GPBP1L1: variants seen among roughly 807,000 people sequenced by gnomAD.
The protein encoded by GPBP1L1 is GC-rich promoter binding protein 1 like 1.
GPBP1L1 carries 23 observed loss-of-function variants against 52.5 expected under a neutral mutation model. That is an observed-to-expected ratio of 0.44 (90% CI 0.32 to 0.62). The LOEUF is 0.62. Among genes scored for constraint, GPBP1L1 ranks in the 20% least tolerant of loss-of-function variants. GPBP1L1 has a pLI of 0.06. For synonymous variants in GPBP1L1, 243 were observed against 203.1 expected (o/e 1.20, Z -1.67); for missense variants, 596 against 579.3 (o/e 1.03, Z -0.30).
intron 2 of GPBP1L1, among the ~76,000 whole-genome samples, chr1:45,672,630 C>A (rs1645087626): frequency 1.3e-5 from 2 of 152,214 alleles, no homozygotes; most frequent in Admixed American, 1.3e-4. Flanking sequence ...GAAATACAGA[C>A]TGTAGACCAA....
chr1:45,633,958 A>G, intron 9 of GPBP1L1, 138 bp downstream of exon 9: 1 of 1,033,508 alleles, frequency 9.7e-7, no homozygotes, highest in Non-Finnish European at 1.4e-6. Flanking sequence ...ATGCTAACAG[A>G]AAACATCAAT....
chr1:45,653,749 A>G (rs1158172586), intron 6 of GPBP1L1, among the ~76,000 whole-genome samples: 5 of 140,934 alleles, frequency 3.5e-5, no homozygotes, highest in African/African-American at 1.3e-4. Context: ...CCCAGACTGG[A>G]GTGTAATGGC....
intron 2 of GPBP1L1, among the ~76,000 whole-genome samples, chr1:45,679,115 C>T (rs7544856): frequency 0.04 from 6,158 of 152,176 alleles, 419 homozygotes; most frequent in African/African-American, 0.14. Context: ...ATGTCCAGGC[C>T]TTACCCCAGA....
intron 6 of GPBP1L1, among the ~76,000 whole-genome samples, chr1:45,642,967 A>C (rs993654562): frequency 6.6e-6 from 1 of 152,194 alleles, no homozygotes; most frequent in Non-Finnish European, 1.5e-5. Flanking sequence ...AAATACAATA[A>C]AGAGCCCCTG....
intron 3 of GPBP1L1, among the ~76,000 whole-genome samples, chr1:45,659,570 T>A (rs188244275): frequency 6.6e-6 from 1 of 152,146 alleles, no homozygotes; most frequent in African/African-American, 2.4e-5. Context: ...GAATTAAACA[T>A]CTATTTAAAA....
At chr1:45,648,711 G>C (rs1413323320) in intron 6 of GPBP1L1, among the ~76,000 whole-genome samples, 1 of 152,128 alleles carries the variant, frequency 6.6e-6, no homozygotes, top group Non-Finnish European at 1.5e-5. Flanking sequence ...TACTTGCTTT[G>C]TCTTATTTTT....
intron 6 of GPBP1L1, among the ~76,000 whole-genome samples, chr1:45,643,658 C>CTTTTTTTTTTTTTTT (rs113388167): frequency 3.1e-5 from 2 of 65,110 alleles, no homozygotes; most frequent in African/African-American, 1.3e-4. Flanking sequence ...AGGAGAATGG[C>CTTTTTTTTTTTTTTT]TTTTTTTTTT....
At chr1:45,661,962 T>C (rs562739448) in intron 2 of GPBP1L1, among the ~76,000 whole-genome samples, 51 of 152,320 alleles carry the variant, frequency 3.3e-4, no homozygotes, top group African/African-American at 1.1e-3. Context: ...TGTTTAGTAC[T>C]AGCCACAGCT....
intron 2 of GPBP1L1, among the ~76,000 whole-genome samples, chr1:45,675,200 G>A (rs1381681158): frequency 6.6e-6 from 1 of 152,060 alleles, no homozygotes. Context: ...GGGAGGCTGA[G>A]GCAGGAGAAT....
At chr1:45,649,342 T>A (rs1411647441) in intron 6 of GPBP1L1, among the ~76,000 whole-genome samples, 1 of 152,232 alleles carries the variant, frequency 6.6e-6, no homozygotes, top group African/African-American at 2.4e-5. Context: ...GTCCCACTGA[T>A]GTTTTAGCAA....
intron 2 of GPBP1L1, among the ~76,000 whole-genome samples, chr1:45,663,636 A>C (rs1644974148): frequency 6.6e-6 from 1 of 152,246 alleles, no homozygotes; most frequent in African/African-American, 2.4e-5. Flanking sequence ...GGGACACTTA[A>C]TCAAACAGAA....
chr1:45,677,798 G>C (rs1399645980), intron 2 of GPBP1L1, among the ~76,000 whole-genome samples: 1 of 152,140 alleles, frequency 6.6e-6, no homozygotes, highest in Non-Finnish European at 1.5e-5. Context: ...ATCAAATCAT[G>C]AGACTATTTT....
At chr1:45,656,463 C>G (rs1327292641) in intron 4 of GPBP1L1, among the ~76,000 whole-genome samples, 3 of 152,096 alleles carry the variant, frequency 2.0e-5, no homozygotes, top group Non-Finnish European at 1.5e-5. Context: ...CTCCTGTTTT[C>G]TCTTAAAAGT....
chr1:45,651,348 T>C (rs1644817279), intron 6 of GPBP1L1: 6 of 378,590 alleles, frequency 1.6e-5, no homozygotes, highest in South Asian at 1.1e-4. Flanking sequence ...ATGGGATCCA[T>C]GTCATATGCA....
intron 8 of GPBP1L1, chr1:45,635,457 C>T (rs1277672956): frequency 6.6e-6 from 1 of 152,072 alleles, no homozygotes; most frequent in Non-Finnish European, 1.5e-5. Context: ...AACAATGTCA[C>T]TCCAGAGCAC....
chr1:45,662,570 T>C (rs566074093), intron 2 of GPBP1L1, among the ~76,000 whole-genome samples: 1 of 152,314 alleles, frequency 6.6e-6, no homozygotes, highest in Non-Finnish European at 1.5e-5. Flanking sequence ...CTATTGTTCA[T>C]GGGAATAAGT....
chr1:45,670,981 A>T (rs1441242126), intron 2 of GPBP1L1, among the ~76,000 whole-genome samples: 1 of 151,182 alleles, frequency 6.6e-6, no homozygotes, highest in African/African-American at 2.4e-5. Context: ...TTCACTAGAG[A>T]CGGGGTTTCA....
intron 8 of GPBP1L1, chr1:45,635,286 AAC>A (rs1334117003): frequency 6.6e-6 from 1 of 152,206 alleles, no homozygotes; most frequent in Non-Finnish European, 1.5e-5. Context: ...CTCCACAAAG[AAC>A]AAGCAAGCAG....
chr1:45,642,632 A>T, intron 6 of GPBP1L1, 133 bp from the exon 7 acceptor site: 1 of 673,378 alleles, frequency 1.5e-6, no homozygotes, highest in Non-Finnish European at 2.7e-6. Flanking sequence ...CTAATTTGAC[A>T]CTGTATTCAG....
Sources: allele counts gnomAD v4.1 joint callset (sites outside exome capture counted in the v4.1 genomes callset), GRCh38; gene constraint gnomAD v4.1.1; transcripts MANE v1.5; gene names NCBI Gene and HGNC (gene_info 2026-07-23, HGNC 2026-07-21).